Variants in UGT1A3 observed in about 807,000 individuals in gnomAD.
The protein encoded by UGT1A3 is UDP-glucuronosyltransferase 1A3.
UGT1A3 carries 31 observed loss-of-function variants against 41.0 expected under a neutral mutation model. That is an observed-to-expected ratio of 0.76 (90% CI 0.57 to 1.02). UGT1A3 has a LOEUF of 1.02. UGT1A3 is among the 50% of genes least tolerant of loss of function. The pLI is 0.00. For missense variants in UGT1A3, 737 were observed against 671.0 expected (o/e 1.10, Z -1.09); for synonymous variants, 262 against 257.6 (o/e 1.02, Z -0.17).
At position 233,741,549 on chromosome 2, in the gene UGT1A3, A is replaced by G. The variant is rs1414651717; in HGVS notation, c.867+11556A>G. 1.3e-5 allele frequency: 2 copies of G among 151,888 alleles called. 1 individual carries two copies. The highest frequency in any genetic ancestry group is 4.9e-5 in the African/African-American group (2 of 41,148). 9.4% of individuals were successfully genotyped at this position (151,888 alleles called of 1,614,324 possible). A position where few individuals can be genotyped will look rare whatever the true frequency, so the allele number is the denominator to read the frequency against. ...TCTGTCTTATTCTGATACTTCTTTT[A>G]TGGTTATTGTATGAGAATCAACTAC... On this transcript the variant is annotated intron_variant, in intron 1 of 4. Transcript: ENST00000482026.
Position 233,729,942 on chromosome 2 carries a change from CA to C in UGT1A3, c.817del (p.Met273TrpfsTer94). On this transcript the variant is annotated frameshift_variant, in exon 1 of 5. Transcript: ENST00000482026. LOFTEE classifies it high-confidence loss of function. ...MDYPRPIMPN[M>X]VFIGGINCAN... is the part of the protein sequence containing the mutation. ...ACTACCCCAGGCCAATCATGCCCAA[CA>C]TGGTCTTCATTGGGGGCATCAACTG... 6.2e-7 allele frequency: 1 copy of C among 1,614,068 alleles called. No homozygotes were observed. The highest frequency in any genetic ancestry group is 8.5e-7 in the Non-Finnish European group (1 of 1,179,938).
At chr2:233,768,980 T>A (rs1699769339) in intron 4 of UGT1A3, among the ~76,000 whole-genome samples, 1 of 152,212 alleles carries the variant, frequency 6.6e-6, no homozygotes, top group Non-Finnish European at 1.5e-5. Flanking sequence ...TTTAGAATTT[T>A]ATTTCCCCCA....
intron 4 of UGT1A3, 101 bp from the exon 5 acceptor site, chr2:233,772,161 T>C: frequency 6.4e-7 from 1 of 1,566,196 alleles, no homozygotes; most frequent in Non-Finnish European, 8.7e-7. Context: ...CTTTCCCAAG[T>C]TTGGAAAATC....
intron 1 of UGT1A3, among the ~76,000 whole-genome samples, chr2:233,752,803 G>A (rs140636687): frequency 3.1e-4 from 47 of 152,278 alleles, no homozygotes; most frequent in African/African-American, 1.1e-3. Flanking sequence ...TTCTGTAGAA[G>A]GAACACTTCC....
At chr2:233,764,035 A>G (rs1459516650) in intron 1 of UGT1A3, among the ~76,000 whole-genome samples, 2 of 152,226 alleles carry the variant, frequency 1.3e-5, no homozygotes, top group Non-Finnish European at 2.9e-5. Context: ...GTGCTAAAGA[A>G]GAATTCTGGG....
chr2:233,743,706 C>T (rs776716166), intron 1 of UGT1A3: 66 of 1,367,252 alleles, frequency 4.8e-5, no homozygotes, highest in Non-Finnish European at 6.3e-5. Context: ...TCCGCCCCCG[C>T]CTCGCCATAG....
intron 1 of UGT1A3, among the ~76,000 whole-genome samples, chr2:233,738,182 G>A (rs913308909): frequency 7.9e-5 from 12 of 152,164 alleles, no homozygotes; most frequent in African/African-American, 2.9e-4. Flanking sequence ...TGTAAGACGT[G>A]TCTTTGCCTC....
At chr2:233,757,559 T>TATATATATACATATAC in intron 1 of UGT1A3, among the ~76,000 whole-genome samples, 4 of 124,406 alleles carry the variant, frequency 3.2e-5, no homozygotes, top group Non-Finnish European at 3.3e-5. Context: ...TATATATATA[T>TATATATATACATATAC]ATGTATATAT....
Position 233,772,354 on chromosome 2 carries a change from T to C in UGT1A3, c.1400T>C (p.Met467Thr). 1 of 1,614,252 alleles carries C rather than the reference T, an allele frequency of 6.2e-7. No individual in the cohort carries two copies. The highest frequency in any genetic ancestry group is 8.5e-7 in the Non-Finnish European group (1 of 1,180,050). ...GCCGTGTTCTGGGTGGAGTTTGTGATGAGGCACAAGGGCGCGCCACACCTG... is the reference window on the plus strand; with the variant it reads ...GCCGTGTTCTGGGTGGAGTTTGTGACGAGGCACAAGGGCGCGCCACACCTG... ...DLAVFWVEFV[M>T]RHKGAPHLRP... Residue 467 changes from methionine to threonine, a missense_variant, in exon 5 of 5, where the codon ATG becomes ACG. Transcript: ENST00000482026.
chr2:233,766,183 A>T (rs1370975589), intron 1 of UGT1A3, among the ~76,000 whole-genome samples: 1 of 152,070 alleles, frequency 6.6e-6, no homozygotes, highest in African/African-American at 2.4e-5. Flanking sequence ...TATTGAGTGG[A>T]TGTAGCTCTC....
chr2:233,755,378 C>T (rs2125935029), intron 1 of UGT1A3: 1 of 351,540 alleles, frequency 2.8e-6, no homozygotes, highest in South Asian at 2.3e-5. Context: ...GAGGGCCGCC[C>T]CTTATGACGC....
At chr2:233,747,691 T>C in intron 1 of UGT1A3, 3 of 1,611,090 alleles carry the variant, frequency 1.9e-6, no homozygotes, top group Non-Finnish European at 2.5e-6. Flanking sequence ...TGTGGGGCAG[T>C]GCTGGCTAAG....
intron 1 of UGT1A3, among the ~76,000 whole-genome samples, chr2:233,745,757 G>C (rs1464205566): frequency 6.7e-6 from 1 of 150,374 alleles, no homozygotes; most frequent in Non-Finnish European, 1.5e-5. Context: ...AGCAGAAGGG[G>C]TGGAGAGGAG....
chr2:233,761,222 C>T, intron 1 of UGT1A3: 1 of 1,613,374 alleles, frequency 6.2e-7, no homozygotes, highest in Admixed American at 1.7e-5. Flanking sequence ...GATTAACTAG[C>T]CCCAGATATA....
chr2:233,750,998 C>T (rs1414684238), intron 1 of UGT1A3, among the ~76,000 whole-genome samples: 1 of 151,782 alleles, frequency 6.6e-6, no homozygotes, highest in African/African-American at 2.4e-5. Context: ...GGCCACCATC[C>T]TCCAGAATCC....
intron 1 of UGT1A3, chr2:233,754,501 CT>C (rs1695497975): frequency 2.8e-6 from 1 of 356,918 alleles, no homozygotes; most frequent in Non-Finnish European, 5.6e-6. Context: ...AAAAAGTCCG[CT>C]ATTCCTCCAG....
At chr2:233,746,254 A>G (rs184175169) in intron 1 of UGT1A3, among the ~76,000 whole-genome samples, 17 of 151,944 alleles carry the variant, frequency 1.1e-4, no homozygotes, top group Non-Finnish European at 1.5e-4. Context: ...ACAAGGCAGA[A>G]CAGAACAAAA....
chr2:233,745,232 C>G (rs1693047388), intron 1 of UGT1A3, among the ~76,000 whole-genome samples: 1 of 151,800 alleles, frequency 6.6e-6, no homozygotes, highest in East Asian at 1.9e-4. Flanking sequence ...AAATACAGCA[C>G]TATTTACTGT....
At chr2:233,743,583 A>C (rs1360653487) in intron 1 of UGT1A3, 5 of 1,367,304 alleles carry the variant, frequency 3.7e-6, no homozygotes, top group Non-Finnish European at 4.9e-6. Context: ...AAGAGGTCAA[A>C]GGAGAATGGG....
Sources: allele counts gnomAD v4.1 joint callset (sites outside exome capture counted in the v4.1 genomes callset), GRCh38; gene constraint gnomAD v4.1.1; transcripts MANE v1.5; gene names NCBI Gene and HGNC (gene_info 2026-07-23, HGNC 2026-07-21).